Variants in PDZRN3 observed in about 807,000 individuals in gnomAD.
The protein encoded by PDZRN3 is PDZ domain containing ring finger 3.
PDZRN3 carries 38 observed loss-of-function variants against 85.7 expected under a neutral mutation model. That is an observed-to-expected ratio of 0.44 (90% CI 0.34 to 0.58). The LOEUF (loss-of-function observed/expected upper bound fraction) is 0.58. Among genes scored for constraint, PDZRN3 ranks in the 20% least tolerant of loss-of-function variants. The pLI is 0.01. For missense variants in PDZRN3, 1,629 were observed against 1,506.4 expected (o/e 1.08, Z -1.35); for synonymous variants, 759 against 638.0 (o/e 1.19, Z -2.86).
intron 3 of PDZRN3, among the ~76,000 whole-genome samples, chr3:73,556,204 A>G (rs1026455435): frequency 6.6e-6 from 1 of 152,230 alleles, no homozygotes; most frequent in Non-Finnish European, 1.5e-5. Flanking sequence ...TAATAATCAT[A>G]ATCTATGAAA....
intron 3 of PDZRN3, among the ~76,000 whole-genome samples, chr3:73,479,542 T>C (rs1273860720): frequency 6.6e-6 from 1 of 152,230 alleles, no homozygotes; most frequent in Non-Finnish European, 1.5e-5. Context: ...CATCGGTGCA[T>C]GGCTCAGCCT....
intron 3 of PDZRN3, among the ~76,000 whole-genome samples, chr3:73,428,860 C>T (rs1256398663): frequency 2.0e-5 from 3 of 151,722 alleles, no homozygotes; most frequent in Non-Finnish European, 4.4e-5. Context: ...AATAAAGGGC[C>T]CTGTTTGTCA....
At chr3:73,613,029 A>G (rs1211779880) in intron 1 of PDZRN3, among the ~76,000 whole-genome samples, 1 of 152,252 alleles carries the variant, frequency 6.6e-6, no homozygotes, top group African/African-American at 2.4e-5. Flanking sequence ...GAGAATGCCT[A>G]ATCTCACTTT....
chr3:73,609,489 T>TCACG (rs1702651800), intron 1 of PDZRN3, among the ~76,000 whole-genome samples: 1 of 152,208 alleles, frequency 6.6e-6, no homozygotes, highest in Admixed American at 6.5e-5. Context: ...GTGAAAACTG[T>TCACG]CACGTAATAT....
intron 3 of PDZRN3, among the ~76,000 whole-genome samples, chr3:73,597,298 C>A (rs1329487689): frequency 1.3e-5 from 2 of 152,012 alleles, no homozygotes; most frequent in Non-Finnish European, 2.9e-5. Context: ...ACCTTGTTAG[C>A]AATGACAGTC....
Position 73,384,207 on chromosome 3 carries a change from T to C in PDZRN3, c.2359A>G (p.Ser787Gly). Residue 787 changes from serine to glycine, a missense_variant, in exon 10 of 10, where the codon AGC becomes GGC. Coordinates refer to ENST00000263666, the MANE Select transcript of PDZRN3 (RefSeq NM_015009.3). ...ACAGCCCCTTCGCTGCTCGGGCAGC[T>C]GATGCCCTCCGCCGCTCTCCTCAAG... ...NSLRRAAEGI[S>G]CPSSEGAVGT... 1 of 1,613,942 alleles carries C rather than the reference T, an allele frequency of 6.2e-7. No homozygotes were observed. The highest frequency in any genetic ancestry group is 8.5e-7 in the Non-Finnish European group (1 of 1,180,026).
At chr3:73,444,364 C>A (rs80341959) in intron 3 of PDZRN3, among the ~76,000 whole-genome samples, 242 of 152,284 alleles carry the variant, frequency 1.6e-3, no homozygotes, top group African/African-American at 5.7e-3. Flanking sequence ...ATCTGTCCTC[C>A]TACTCCTTTC....
intron 3 of PDZRN3, among the ~76,000 whole-genome samples, chr3:73,427,272 T>C (rs1702334956): frequency 6.6e-6 from 1 of 152,180 alleles, no homozygotes; most frequent in African/African-American, 2.4e-5. Flanking sequence ...ATGACGCCTG[T>C]CACATAAATG....
intron 3 of PDZRN3, chr3:73,569,495 C>T (rs1457128753): frequency 7.4e-6 from 8 of 1,075,958 alleles, no homozygotes; most frequent in Non-Finnish European, 9.0e-6. Flanking sequence ...ATGCCTTTCT[C>T]CTCTTCTCTG....
At chr3:73,543,652 A>G (rs961787560) in intron 3 of PDZRN3, among the ~76,000 whole-genome samples, 2 of 152,198 alleles carry the variant, frequency 1.3e-5, no homozygotes, top group Non-Finnish European at 2.9e-5. Context: ...GCACTGACAG[A>G]TGCTAGAGCA....
intron 3 of PDZRN3, among the ~76,000 whole-genome samples, chr3:73,505,222 C>G (rs939236848): frequency 6.6e-6 from 1 of 152,134 alleles, no homozygotes; most frequent in Non-Finnish European, 1.5e-5. Context: ...TGGTTACCCA[C>G]GAATAATCAT....
intron 3 of PDZRN3, among the ~76,000 whole-genome samples, chr3:73,447,883 C>T (rs1401450755): frequency 2.6e-5 from 4 of 152,218 alleles, no homozygotes; most frequent in Non-Finnish European, 4.4e-5. Flanking sequence ...TCATAGTATA[C>T]ATTCCTCATC....
At chr3:73,605,247 T>C (rs1339549447) in intron 2 of PDZRN3, among the ~76,000 whole-genome samples, 1 of 151,746 alleles carries the variant, frequency 6.6e-6, no homozygotes, top group Non-Finnish European at 1.5e-5. Flanking sequence ...TTAAAAGGCA[T>C]CTCTTTATTC....
intron 3 of PDZRN3, among the ~76,000 whole-genome samples, chr3:73,494,914 C>T (rs1057277307): frequency 6.6e-6 from 1 of 152,162 alleles, no homozygotes; most frequent in South Asian, 2.1e-4. Context: ...GATAGTGTTA[C>T]AAGGGAACAG....
chr3:73,624,648 G>A lies in PDZRN3; in HGVS notation c.178C>T (p.Leu60=), dbSNP rs1702940087. 2 of 1,542,612 alleles carry A rather than the reference G, an allele frequency of 1.3e-6. No homozygotes were observed. The highest frequency in any genetic ancestry group is 8.7e-7 in the Non-Finnish European group (1 of 1,148,322). Residue 60 remains leucine, a synonymous_variant, in exon 1 of 10, where the codon CTG becomes TTG. Transcript: ENST00000263666. The stretch of plus-strand genomic sequence containing the variant: ...ACGTGGTTGAGCTCTTTGGCCGACA[G>A]GCGACCGCGGCAGCGCGCCGGGCAG... ...GSCPARCRGR[L]SAKELNHVLP...
At chr3:73,433,905 AGCAT>A in intron 3 of PDZRN3, 5 of 1,428,720 alleles carry the variant, frequency 3.5e-6, no homozygotes, top group South Asian at 1.5e-5. Flanking sequence ...CTCCCCTCGC[AGCAT>A]GCATGCATGC....
At chr3:73,386,001 C>T (rs1701374384) in intron 8 of PDZRN3, among the ~76,000 whole-genome samples, 1 of 151,870 alleles carries the variant, frequency 6.6e-6, no homozygotes, top group African/African-American at 2.4e-5. Flanking sequence ...CTGGGGAAGT[C>T]TTTAATATCC....
chr3:73,540,733 T>C (rs1007289272), intron 3 of PDZRN3, among the ~76,000 whole-genome samples: 2 of 152,190 alleles, frequency 1.3e-5, no homozygotes, highest in Admixed American at 6.5e-5. Context: ...CTGAGTCAAT[T>C]AAACCTCTTT....
intron 3 of PDZRN3, among the ~76,000 whole-genome samples, chr3:73,493,288 T>C (rs145170941): frequency 1.8e-3 from 274 of 152,082 alleles, no homozygotes; most frequent in African/African-American, 6.4e-3. Context: ...CATGACATAG[T>C]AAGAAAAGGA....
Sources: allele counts gnomAD v4.1 joint callset (sites outside exome capture counted in the v4.1 genomes callset), GRCh38; gene constraint gnomAD v4.1.1; transcripts MANE v1.5; gene names NCBI Gene and HGNC (gene_info 2026-07-23, HGNC 2026-07-21).